ZSWIM6: variants seen among roughly 807,000 people sequenced by gnomAD.
The protein encoded by ZSWIM6 is zinc finger SWIM-type containing 6, also known as zinc finger SWIM domain-containing protein 6.
ZSWIM6 carries 9 observed loss-of-function variants against 113.2 expected under a neutral mutation model. The ratio of observed to expected loss-of-function variants is 0.08; its 90% CI spans 0.05 to 0.14. The LOEUF is 0.14. ZSWIM6 is among the 10% of genes least tolerant of loss of function. The pLI is 1.00. For missense variants in ZSWIM6, 1,162 were observed against 1,552.2 expected, an observed-to-expected ratio of 0.75 and a Z score of 4.22; for synonymous variants, 611 against 606.5, an observed-to-expected ratio of 1.01 and a Z score of -0.11.
intron 9 of ZSWIM6, among the ~76,000 whole-genome samples, chr5:61,532,038 A>G (rs1486716998): frequency 1.3e-5 from 2 of 152,168 alleles, no homozygotes; most frequent in Non-Finnish European, 2.9e-5. Flanking sequence ...GATAAATGCA[A>G]TTTTGATATT....
intron 1 of ZSWIM6, among the ~76,000 whole-genome samples, chr5:61,467,600 A>G (rs1254041969): frequency 6.6e-6 from 1 of 152,240 alleles, no homozygotes; most frequent in Non-Finnish European, 1.5e-5. Context: ...TAGGGGTCCC[A>G]GGACCATACA....
At chr5:61,512,894 A>C (rs1207047289) in intron 4 of ZSWIM6, among the ~76,000 whole-genome samples, 1 of 151,846 alleles carries the variant, frequency 6.6e-6, no homozygotes, top group Non-Finnish European at 1.5e-5. Context: ...CCTTCCCCCG[A>C]GCTTATGCAT....
chr5:61,485,897 G>C (rs778880015), intron 2 of ZSWIM6, among the ~76,000 whole-genome samples: 1 of 152,030 alleles, frequency 6.6e-6, no homozygotes, highest in Non-Finnish European at 1.5e-5. Context: ...AAATATTTTA[G>C]GCATGCATAA....
At chr5:61,448,518 C>A (rs1747014866) in intron 1 of ZSWIM6, among the ~76,000 whole-genome samples, 1 of 152,052 alleles carries the variant, frequency 6.6e-6, no homozygotes, top group African/African-American at 2.4e-5. Flanking sequence ...GTTTTGCAAA[C>A]TTAATTTTTC....
At position 61,433,795 on chromosome 5, in the gene ZSWIM6, G is replaced by A. The variant is rs530296758; in HGVS notation, c.677-38886G>A. Among the ~76,000 whole-genome samples, 175 of 151,746 alleles carry A rather than the reference G, an allele frequency of 1.2e-3. 1 individual carries two copies. Among genetic ancestry groups the A allele is most frequent in the South Asian group, 3.1e-3 (15 of 4,816 alleles). On this transcript the variant is annotated intron_variant, in intron 1 of 13. Coordinates refer to ENST00000252744, the MANE Select transcript of ZSWIM6 (RefSeq NM_020928.2). ...CAGCCTAGACCTAGTTTTTTAAAAA[G>A]TACATTTAATTATGTAAATATAAAG...
chr5:61,522,780 G>A (rs1376458420), intron 5 of ZSWIM6, among the ~76,000 whole-genome samples: 4 of 152,110 alleles, frequency 2.6e-5, no homozygotes, highest in Admixed American at 2.0e-4. Context: ...ATTCTCTTCC[G>A]TTGCTAGGAA....
chr5:61,490,109 ATCTGGGTAGTTTTTTAATT>A (rs1212090793), intron 2 of ZSWIM6, among the ~76,000 whole-genome samples: 1 of 152,008 alleles, frequency 6.6e-6, no homozygotes, highest in Non-Finnish European at 1.5e-5. Context: ...CTCCCTAAAT[ATCTGGGTAGTTTTTTAATT>A]TCTAAGGTAG....
At chr5:61,468,414 A>AAT (rs1747486076) in intron 1 of ZSWIM6, among the ~76,000 whole-genome samples, 1 of 152,246 alleles carries the variant, frequency 6.6e-6, no homozygotes, top group South Asian at 2.1e-4. Flanking sequence ...AAGTCAAATA[A>AAT]ATATTTTAAG....
rs551116154 is a variant in ZSWIM6, at chr5:61,377,009, C to G, written c.676+44061C>G. On this transcript the variant is annotated intron_variant, in intron 1 of 13. Coordinates refer to ENST00000252744, the MANE Select transcript of ZSWIM6 (RefSeq NM_020928.2). ...GTATGCTGTGTCTTATTGCCAGAAT[C>G]TTAGTAAATGTAATGTTTAAAAAAA... 1.3e-4 allele frequency among the ~76,000 whole-genome samples: 18 copies of G among 138,192 alleles called. No homozygotes were observed. The South Asian group carries it at 2.3e-3, about 18-fold the overall frequency. 90.7% of individuals were successfully genotyped at this position (138,192 alleles called of 152,430 possible).
intron 1 of ZSWIM6, among the ~76,000 whole-genome samples, chr5:61,345,607 T>C (rs1199863036): frequency 6.6e-6 from 1 of 152,202 alleles, no homozygotes; most frequent in Non-Finnish European, 1.5e-5. Flanking sequence ...ATTTGTGTTG[T>C]ACCATGAGCT....
At chr5:61,437,961 T>G (rs1261365252) in intron 1 of ZSWIM6, among the ~76,000 whole-genome samples, 2 of 152,074 alleles carry the variant, frequency 1.3e-5, no homozygotes, top group Non-Finnish European at 2.9e-5. Flanking sequence ...TAGGTTTGAT[T>G]AGTGTAATAT....
At chr5:61,499,015 C>T (rs1029283934) in intron 4 of ZSWIM6, among the ~76,000 whole-genome samples, 8 of 152,110 alleles carry the variant, frequency 5.3e-5, no homozygotes, top group Non-Finnish European at 8.8e-5. Context: ...AAGCTTGCCA[C>T]ATTTTATAGT....
chr5:61,384,570 G>A (rs1361667523), intron 1 of ZSWIM6, among the ~76,000 whole-genome samples: 1 of 152,150 alleles, frequency 6.6e-6, no homozygotes, highest in African/African-American at 2.4e-5. Context: ...ATGGATAGGC[G>A]ACCAGTTTGG....
chr5:61,522,974 T>C (rs1749172263), intron 5 of ZSWIM6, among the ~76,000 whole-genome samples: 1 of 152,234 alleles, frequency 6.6e-6, no homozygotes, highest in African/African-American at 2.4e-5. Flanking sequence ...TGGTAAGAAA[T>C]GGTCCAGCCT....
intron 1 of ZSWIM6, among the ~76,000 whole-genome samples, chr5:61,337,347 C>T (rs1744424816): frequency 1.3e-5 from 2 of 152,106 alleles, no homozygotes; most frequent in South Asian, 2.1e-4. Flanking sequence ...TTTCTTCTAC[C>T]ACATTGGTGA....
intron 1 of ZSWIM6, among the ~76,000 whole-genome samples, chr5:61,333,395 G>T (rs1392506073): frequency 6.6e-6 from 1 of 151,822 alleles, no homozygotes; most frequent in Non-Finnish European, 1.5e-5. Flanking sequence ...CGGCCCGGCC[G>T]CTCGGCGCTC....
At chr5:61,463,300 A>G (rs1262700946) in intron 1 of ZSWIM6, among the ~76,000 whole-genome samples, 1 of 152,238 alleles carries the variant, frequency 6.6e-6, no homozygotes, top group Non-Finnish European at 1.5e-5. Context: ...AGGTTACATA[A>G]GAAGCAAGAT....
Position 61,525,836 on chromosome 5 carries a change from G to A in ZSWIM6, c.1550G>A (p.Arg517Gln). Residue 517 changes from arginine (R) to glutamine (Q), a missense_variant, in exon 6 of 14, where the codon CGA becomes CAA. Physicochemically the swap from Arg to Gln is conservative, Grantham distance 43 (BLOSUM62 1). Transcript: ENST00000252744. The stretch of plus-strand genomic sequence containing the variant: ...AGGCCACATCGGACAGTGTTCACCC[G>A]AGCCATCGAGGCATGCGATCTCCAC... ...SNRPHRTVFTRAIEACDLHWQ... is the reference protein window; with the variant it reads ...SNRPHRTVFTQAIEACDLHWQ... The A allele has an allele frequency of 2.6e-6, 4 of 1,551,774 alleles. No individual in the cohort carries two copies. Among genetic ancestry groups the A allele is most frequent in the East Asian group, 2.4e-5 (1 of 40,920 alleles).
intron 4 of ZSWIM6, among the ~76,000 whole-genome samples, chr5:61,506,334 A>G (rs1159639531): frequency 6.6e-6 from 1 of 152,124 alleles, no homozygotes; most frequent in Non-Finnish European, 1.5e-5. Context: ...CTGTAATCCC[A>G]GCCTTTGGGA....
Sources: allele counts gnomAD v4.1 joint callset (sites outside exome capture counted in the v4.1 genomes callset), GRCh38; gene constraint gnomAD v4.1.1; transcripts MANE v1.5; gene names NCBI Gene and HGNC (gene_info 2026-07-23, HGNC 2026-07-21).